Variants in ARHGAP32 observed in about 807,000 individuals in gnomAD.
ARHGAP32 encodes the protein Rho GTPase activating protein 32, also known as rho GTPase-activating protein 32.
ARHGAP32 carries 51 observed loss-of-function variants against 186.5 expected under a neutral mutation model. That is an observed-to-expected ratio of 0.27 (90% confidence interval 0.22 to 0.35). ARHGAP32 has a LOEUF of 0.35. ARHGAP32 is among the 10% of genes least tolerant of loss of function. The probability of loss-of-function intolerance (pLI) is 1.00; values close to 1 mark genes in which losing one functional copy is unlikely to be tolerated. For synonymous variants in ARHGAP32, 950 were observed against 964.3 expected (o/e 0.99, Z 0.27); for missense variants, 2,186 against 2,623.5 (o/e 0.83, Z 3.64).
In ARHGAP32 at chr11:129,244,000, TCTC is replaced by T. The variant is rs1216601705; in HGVS notation, c.-5+35143_-5+35145del. On this transcript the variant is annotated intron_variant, in intron 1 of 6. Transcript: ENST00000525234. ...CAAGTACAGAATTTTTACTTATTTATCTCCTATTATACCTAATATAATGCCTGG... is the reference window on the plus strand; with the variant it reads ...CAAGTACAGAATTTTTACTTATTTATCTATTATACCTAATATAATGCCTGG... 2.6e-5 allele frequency among the ~76,000 whole-genome samples: 4 copies of T among 152,306 alleles called. No individual in the cohort carries two copies. In the East Asian group the frequency reaches 7.7e-4, roughly 29 times the overall value.
In ARHGAP32 at chr11:128,970,072, C is replaced by T. The variant is rs1439315706; in HGVS notation, c.5141G>A (p.Ser1714Asn). The change falls in exon 23 of 23, where the codon AGC becomes AAC. Residue 1714 changes from serine (S) to asparagine (N), a missense_variant. By Grantham distance (46) the Ser-to-Asn change is conservative. Transcript: ENST00000682385. This position sits in a 1 kb window ranked among gnomAD's most constrained non-coding sequence, Gnocchi z 5.8. Reference sequence around the variant, plus strand: ...AGCCAAACCAGCATAACTGTACAAGCTCTTTCCTTGCAGCCTAGGATTGTA... The same window carrying T: ...AGCCAAACCAGCATAACTGTACAAGTTCTTTCCTTGCAGCCTAGGATTGTA... ...AFYNPRLQGK[S>N]LYSYAGLAPR... The T allele has an allele frequency of 3.1e-6, 5 of 1,614,040 alleles. No homozygotes were observed. The highest frequency in any genetic ancestry group is 4.2e-6 in the Non-Finnish European group (5 of 1,180,048).
At chr11:129,019,445 T>C (rs1039224390) in intron 11 of ARHGAP32, among the ~76,000 whole-genome samples, 1 of 152,202 alleles carries the variant, frequency 6.6e-6, no homozygotes, top group Non-Finnish European at 1.5e-5. Context: ...AACAAGTCTC[T>C]AATCATCCGA....
chr11:129,192,443 A>C (rs1041454097), upstream of ARHGAP32, among the ~76,000 whole-genome samples: 1 of 152,182 alleles, frequency 6.6e-6, no homozygotes, highest in African/African-American at 2.4e-5. Flanking sequence ...CGTGACCTAC[A>C]TAACCAAAAG....
rs761324453 is a variant in ARHGAP32 at position 128,969,837 on chromosome 11, C to T, written c.5376G>A (p.Pro1792=). The change falls in exon 23 of 23, where the codon CCG becomes CCA. Residue 1792 remains proline, a synonymous_variant. Transcript: ENST00000682385. This position sits in a 1 kb window ranked among gnomAD's most constrained non-coding sequence, Gnocchi z 4.8. ...PVMSQYDNMT[P]AVQDDLGGIY... is the part of the protein sequence containing the mutation. ...TCCCACCCAAGTCGTCCTGCACCGC[C>T]GGGGTCATGTTATCATATTGGGACA... The T allele has an allele frequency of 7.4e-6, 12 of 1,614,066 alleles. No individual in the cohort carries two copies. The highest frequency in any genetic ancestry group is 4.5e-5 in the East Asian group (2 of 44,898).
chr11:129,172,379 G>A (rs1943785054), intron 1 of ARHGAP32, among the ~76,000 whole-genome samples: 1 of 152,166 alleles, frequency 6.6e-6, no homozygotes, highest in Non-Finnish European at 1.5e-5. Context: ...TTAACGTGAA[G>A]GGATGTTGAA....
At chr11:129,097,720 A>G (rs1036218224) in intron 5 of ARHGAP32, among the ~76,000 whole-genome samples, 1 of 152,140 alleles carries the variant, frequency 6.6e-6, no homozygotes, top group African/African-American at 2.4e-5. Flanking sequence ...TACCAGAATA[A>G]AAAAAGAGAG....
Position 129,123,648 on chromosome 11 carries a change from T to C in ARHGAP32, c.360-118A>G. ...CAAGCAAAAATATTTCGTAAGCACATGCGCATGAGCCACACATATCCGCAC... is the reference window on the plus strand; with the variant it reads ...CAAGCAAAAATATTTCGTAAGCACACGCGCATGAGCCACACATATCCGCAC... On this transcript the variant is annotated intron_variant, in intron 4 of 22. Transcript: ENST00000682385. This position sits in a 1 kb window ranked among gnomAD's most constrained non-coding sequence, Gnocchi z 4.6. The C allele has an allele frequency of 2.2e-6, 2 of 892,172 alleles. No individual in the cohort carries two copies. Among genetic ancestry groups the C allele is most frequent in the South Asian group, 1.5e-5 (1 of 64,670 alleles). The allele number at this position is 892,172 out of a possible 1,614,324, so 55.3% of individuals were successfully genotyped here.
At chr11:129,173,963 C>A (rs1332629452) in intron 1 of ARHGAP32, among the ~76,000 whole-genome samples, 5 of 152,208 alleles carry the variant, frequency 3.3e-5, no homozygotes, top group Non-Finnish European at 4.4e-5. Context: ...AGGAACAGCT[C>A]CGGTCCACAG....
intron 5 of ARHGAP32, among the ~76,000 whole-genome samples, chr11:129,095,015 G>A (rs1441319870): frequency 1.3e-5 from 2 of 152,144 alleles, no homozygotes; most frequent in African/African-American, 4.8e-5. Flanking sequence ...GGTTGATGAA[G>A]ATATATTCTC....
intron 11 of ARHGAP32, among the ~76,000 whole-genome samples, chr11:129,036,405 A>G (rs985357502): frequency 6.8e-6 from 1 of 147,404 alleles, no homozygotes; most frequent in African/African-American, 2.5e-5. Context: ...AAAAAAAAAA[A>G]AGAGAGAAAG....
intron 2 of ARHGAP32, among the ~76,000 whole-genome samples, chr11:129,134,603 C>T (rs1942895007): frequency 6.6e-6 from 1 of 151,990 alleles, no homozygotes; most frequent in Non-Finnish European, 1.5e-5. Flanking sequence ...TTGAAGAAAA[C>T]ATCAAATACC....
chr11:129,235,900 A>AACAC (rs57291313), intron 1 of ARHGAP32, among the ~76,000 whole-genome samples: 7,963 of 145,514 alleles, frequency 0.055, 273 homozygotes, highest in Admixed American at 0.1. Context: ...GTCATTCATA[A>AACAC]ACACACACAC....
chr11:129,110,383 A>G (rs570176220), intron 5 of ARHGAP32, among the ~76,000 whole-genome samples: 2 of 152,268 alleles, frequency 1.3e-5, no homozygotes, highest in Non-Finnish European at 1.5e-5. Flanking sequence ...TGATGTCTCC[A>G]GCATTGTTCT....
chr11:128,969,918 G>A lies in ARHGAP32; in HGVS notation c.5295C>T (p.Arg1765=), dbSNP rs566465572. 1.2e-6 allele frequency: 2 copies of A among 1,614,210 alleles called. No homozygotes were observed. Among genetic ancestry groups the A allele is most frequent in the South Asian group, 1.1e-5 (1 of 91,084 alleles). The part of the protein sequence containing the change: ...SWDLEDMEKY[R]MQSIRRESRA... ...GGCTCTCTCTCCGGATGGACTGCAT[G>A]CGGTATTTTTCCATGTCCTCAAGAT... Residue 1765 remains arginine (R), a synonymous_variant, in exon 23 of 23, where the codon CGC becomes CGT. Coordinates refer to ENST00000682385, the MANE Select transcript of ARHGAP32 (RefSeq NM_001378024.1). The surrounding 1 kb of genome is among the most constrained non-coding windows in gnomAD (Gnocchi z 4.8).
At chr11:129,087,207 C>T (rs1226068987) in intron 6 of ARHGAP32, among the ~76,000 whole-genome samples, 1 of 152,202 alleles carries the variant, frequency 6.6e-6, no homozygotes, top group Non-Finnish European at 1.5e-5. Context: ...ACTAAAAACA[C>T]TTTTACCATG....
At chr11:129,278,453 A>G (rs1341331485) in intron 1 of ARHGAP32, among the ~76,000 whole-genome samples, 1 of 152,264 alleles carries the variant, frequency 6.6e-6, no homozygotes, top group Non-Finnish European at 1.5e-5. Flanking sequence ...ACTAAAGCTA[A>G]GAAACCAAGT....
chr11:129,108,167 T>C (rs927511633), intron 5 of ARHGAP32, among the ~76,000 whole-genome samples: 1 of 152,058 alleles, frequency 6.6e-6, no homozygotes, highest in Non-Finnish European at 1.5e-5. Flanking sequence ...TTACTACAAA[T>C]GTAAACAGAG....
intron 19 of ARHGAP32, among the ~76,000 whole-genome samples, chr11:128,977,153 C>A (rs1429304286): frequency 6.6e-6 from 1 of 152,168 alleles, no homozygotes; most frequent in African/African-American, 2.4e-5. Context: ...GCAAGCACAG[C>A]CCTGCTGGTA....
intron 1 of ARHGAP32, among the ~76,000 whole-genome samples, chr11:129,184,085 G>C (rs1944107928): frequency 6.6e-6 from 1 of 152,102 alleles, no homozygotes; most frequent in Admixed American, 6.6e-5. Flanking sequence ...AAAAACAGAA[G>C]TTCAAAGGCT....
Sources: allele counts gnomAD v4.1 joint callset (sites outside exome capture counted in the v4.1 genomes callset), GRCh38; gene constraint gnomAD v4.1.1; non-coding constraint Gnocchi (gnomAD v3.1); transcripts MANE v1.5; gene names NCBI Gene and HGNC (gene_info 2026-07-23, HGNC 2026-07-21).